KCNIP4: variants seen among roughly 807,000 people sequenced by gnomAD.
KCNIP4 encodes the protein potassium voltage-gated channel interacting protein 4.
KCNIP4 carries 12 observed loss-of-function variants against 34.0 expected under a neutral mutation model. The ratio of observed to expected loss-of-function variants is 0.35; its 90% CI spans 0.23 to 0.57. The LOEUF (loss-of-function observed/expected upper bound fraction) is 0.57. Ranked by LOEUF, KCNIP4 falls within the 20% of genes least tolerant of loss-of-function variation. The pLI is 0.83. For missense variants in KCNIP4, 238 were observed against 311.7 expected (o/e 0.76, Z 1.78); for synonymous variants, 124 against 102.2 (o/e 1.21, Z -1.29).
chr4:20,949,713 A>G (rs1356303567), intron 1 of KCNIP4, among the ~76,000 whole-genome samples: 2 of 152,118 alleles, frequency 1.3e-5, no homozygotes, highest in Non-Finnish European at 2.9e-5. Flanking sequence ...TTGTAGGGAC[A>G]TAGATGAAAT....
At chr4:21,516,327 T>C (rs1734754866) in intron 1 of KCNIP4, among the ~76,000 whole-genome samples, 1 of 152,190 alleles carries the variant, frequency 6.6e-6, no homozygotes, top group East Asian at 1.9e-4. Context: ...CCAGCTCTAT[T>C]GAGTCATCTA....
chr4:21,650,459 ATTC>A, intron 1 of KCNIP4, among the ~76,000 whole-genome samples: 1 of 152,258 alleles, frequency 6.6e-6, no homozygotes. Context: ...TTGGATCTCT[ATTC>A]TTCTCCTTGA....
chr4:21,093,906 C>A (rs999454103), intron 1 of KCNIP4, among the ~76,000 whole-genome samples: 10 of 151,962 alleles, frequency 6.6e-5, no homozygotes, highest in Non-Finnish European at 1.5e-4. Context: ...CACGGTTAAA[C>A]CCCATCTCTA....
At chr4:21,874,647 T>C (rs967826600) in intron 1 of KCNIP4, among the ~76,000 whole-genome samples, 16 of 152,336 alleles carry the variant, frequency 1.1e-4, no homozygotes, top group African/African-American at 3.6e-4. Context: ...TTGCTACTCC[T>C]TGGGTGCTAC....
intron 3 of KCNIP4, among the ~76,000 whole-genome samples, chr4:20,836,462 A>G (rs1276405835): frequency 6.6e-6 from 1 of 152,196 alleles, no homozygotes; most frequent in Admixed American, 6.5e-5. Context: ...ATGTCTATCT[A>G]TCATCTATCC....
chr4:21,133,946 C>T (rs912920064), intron 1 of KCNIP4, among the ~76,000 whole-genome samples: 2 of 152,170 alleles, frequency 1.3e-5, no homozygotes, highest in Non-Finnish European at 2.9e-5. Flanking sequence ...TCACATCTTT[C>T]GACTTCCCTT....
chr4:21,365,036 T>C (rs1310448704), intron 1 of KCNIP4, among the ~76,000 whole-genome samples: 1 of 152,172 alleles, frequency 6.6e-6, no homozygotes, highest in East Asian at 1.9e-4. Flanking sequence ...CAAGTTTATA[T>C]CAAAGGAGAA....
intron 1 of KCNIP4, among the ~76,000 whole-genome samples, chr4:21,796,190 G>C (rs1201108308): frequency 6.6e-6 from 1 of 152,052 alleles, no homozygotes; most frequent in Non-Finnish European, 1.5e-5. Context: ...GTTTCTCATG[G>C]GATGTTATAG....
chr4:21,136,932 T>C (rs1297543128), intron 1 of KCNIP4, among the ~76,000 whole-genome samples: 1 of 152,170 alleles, frequency 6.6e-6, no homozygotes, highest in Non-Finnish European at 1.5e-5. Context: ...TATGATGCTA[T>C]ACAAGCTCAG....
chr4:21,330,034 A>C (rs187898262), intron 1 of KCNIP4, among the ~76,000 whole-genome samples: 43 of 152,336 alleles, frequency 2.8e-4, no homozygotes, highest in African/African-American at 9.6e-4. Context: ...CAATGTATTC[A>C]GACTTCATAA....
At chr4:20,816,292 C>A (rs1381924899) in intron 3 of KCNIP4, among the ~76,000 whole-genome samples, 3 of 151,812 alleles carry the variant, frequency 2.0e-5, no homozygotes, top group African/African-American at 7.3e-5. Context: ...AAGGCAGAGC[C>A]TTTCTCAACA....
At chr4:21,200,805 A>ATTT (rs898735824) in intron 1 of KCNIP4, among the ~76,000 whole-genome samples, 1 of 150,990 alleles carries the variant, frequency 6.6e-6, no homozygotes, top group African/African-American at 2.4e-5. Context: ...AAAAATAAAA[A>ATTT]TTTTTTTTTT....
chr4:21,137,871 C>T (rs1191512484), intron 1 of KCNIP4, among the ~76,000 whole-genome samples: 35 of 118,126 alleles, frequency 3.0e-4, no homozygotes, highest in Admixed American at 5.3e-4. Context: ...CTTACACAGG[C>T]TTTTTTGTTT....
chr4:20,847,102 T>A (rs1225434940), intron 3 of KCNIP4, among the ~76,000 whole-genome samples: 1 of 152,192 alleles, frequency 6.6e-6, no homozygotes, highest in African/African-American at 2.4e-5. Flanking sequence ...CCCACTTTGA[T>A]GGAACATACA....
intron 1 of KCNIP4, among the ~76,000 whole-genome samples, chr4:21,367,043 C>T (rs1031362208): frequency 6.6e-6 from 1 of 152,086 alleles, no homozygotes; most frequent in African/African-American, 2.4e-5. Context: ...GCCCTCCTGC[C>T]ATGTGAGGAC....
At chr4:21,126,558 T>C (rs1750625235) in intron 1 of KCNIP4, among the ~76,000 whole-genome samples, 1 of 142,844 alleles carries the variant, frequency 7.0e-6, no homozygotes, top group Non-Finnish European at 1.5e-5. Flanking sequence ...AAACACAAAA[T>C]TCAACTTTTT....
At chr4:21,165,408 TA>T (rs538397549) in intron 1 of KCNIP4, among the ~76,000 whole-genome samples, 282 of 1,618 alleles carry the variant, frequency 0.17, 32 homozygotes, top group Non-Finnish European at 0.22. Context: ...TAGAGTATAA[TA>T]AAAAAAAAAA....
chr4:21,642,720 C>A (rs1486093591), intron 1 of KCNIP4, among the ~76,000 whole-genome samples: 1 of 151,990 alleles, frequency 6.6e-6, no homozygotes, highest in Non-Finnish European at 1.5e-5. Flanking sequence ...TAAAATTCAC[C>A]TGATGACTTT....
chr4:21,082,184 C>T (rs1213671594), intron 1 of KCNIP4, among the ~76,000 whole-genome samples: 1 of 151,598 alleles, frequency 6.6e-6, no homozygotes, highest in Non-Finnish European at 1.5e-5. Context: ...ATGATTTTTT[C>T]TCATGCTGAT....
Sources: allele counts gnomAD v4.1 joint callset (sites outside exome capture counted in the v4.1 genomes callset), GRCh38; gene constraint gnomAD v4.1.1; transcripts MANE v1.5; gene names NCBI Gene and HGNC (gene_info 2026-07-23, HGNC 2026-07-21).